The following NRXN1 variants were observed in gnomAD, a reference collection of about 807,000 sequenced individuals.
NRXN1 encodes the protein neurexin-1.
Under a neutral mutation model 150.9 loss-of-function variants are expected in NRXN1, and 39 were observed. The observed-to-expected ratio is 0.26, with a 90% CI of 0.20 to 0.34. NRXN1 has a LOEUF of 0.34. NRXN1 is among the 10% of genes least tolerant of loss of function. The pLI, the probability that NRXN1 is intolerant of heterozygous loss-of-function variation, is 1.00. For synonymous variants in NRXN1, 924 were observed against 757.0 expected (o/e 1.22, Z -3.62); for missense variants, 1,815 against 1,949.9 (o/e 0.93, Z 1.30).
chr2:50,647,455 C>A (rs926762140), intron 5 of NRXN1, among the ~76,000 whole-genome samples: 1 of 151,846 alleles, frequency 6.6e-6, no homozygotes, highest in Admixed American at 6.6e-5. Flanking sequence ...TATAAGACAT[C>A]CAAAGAAATA....
chr2:50,057,770 T>C (rs1345069751), intron 19 of NRXN1, among the ~76,000 whole-genome samples: 2 of 152,176 alleles, frequency 1.3e-5, no homozygotes, highest in Non-Finnish European at 2.9e-5. Context: ...AAGCAAATAC[T>C]AGTGTCCAGA....
intron 18 of NRXN1, among the ~76,000 whole-genome samples, chr2:50,212,823 C>A (rs1234110763): frequency 6.6e-6 from 1 of 151,882 alleles, no homozygotes; most frequent in East Asian, 1.9e-4. Context: ...AGGTTAAATG[C>A]AAGACAAATG....
rs889937386 is a variant in NRXN1 at position 50,506,674 on chromosome 2, C to T, written c.2375-57G>A. 5 of 1,581,876 alleles carry T rather than the reference C, an allele frequency of 3.2e-6. No individual in the cohort carries two copies. In the African/African-American group the frequency reaches 4.1e-5, roughly 13 times the overall value. ...ACTCAGAATCAGTCAAGCAAATGAA[C>T]CTCACAGAGAGTGAGAGAAAGAGAC... On this transcript the variant is annotated intron_variant, in intron 12 of 22. Coordinates refer to ENST00000401669, the MANE Select transcript of NRXN1 (RefSeq NM_001330078.2).
At chr2:50,335,654 C>G (rs1360829024) in intron 17 of NRXN1, among the ~76,000 whole-genome samples, 2 of 152,310 alleles carry the variant, frequency 1.3e-5, no homozygotes, top group East Asian at 3.9e-4. Context: ...TGCAGGTGTC[C>G]TGGTTTAACT....
At chr2:50,447,523 A>C (rs540370749) in intron 17 of NRXN1, among the ~76,000 whole-genome samples, 18 of 145,990 alleles carry the variant, frequency 1.2e-4, no homozygotes, top group Admixed American at 4.1e-4. Context: ...TGTCCCAGAA[A>C]AGGTCGATCT....
chr2:50,254,362 C>A (rs1157774142), intron 17 of NRXN1, among the ~76,000 whole-genome samples: 1 of 150,472 alleles, frequency 6.6e-6, no homozygotes, highest in African/African-American at 2.5e-5. Flanking sequence ...TTCAAAAGAC[C>A]AGCTCCTGGA....
chr2:50,750,359 T>A (rs910130392), intron 5 of NRXN1, among the ~76,000 whole-genome samples: 1 of 148,550 alleles, frequency 6.7e-6, no homozygotes, highest in Admixed American at 6.7e-5. Context: ...AATTAAAAAA[T>A]GTCACAGAAA....
intron 17 of NRXN1, among the ~76,000 whole-genome samples, chr2:50,442,005 G>A (rs1299167754): frequency 6.6e-6 from 1 of 152,138 alleles, no homozygotes; most frequent in Non-Finnish European, 1.5e-5. Context: ...TCCTTCCAGT[G>A]AAGTCTCTCT....
chr2:50,810,856 T>C (rs1295881112), intron 5 of NRXN1, among the ~76,000 whole-genome samples: 1 of 151,994 alleles, frequency 6.6e-6, no homozygotes, highest in Non-Finnish European at 1.5e-5. Flanking sequence ...GGTGCACACC[T>C]GTAGTCCCAG....
chr2:49,979,897 G>GGTTTT (rs1553447346), intron 21 of NRXN1, among the ~76,000 whole-genome samples: 1 of 103,682 alleles, frequency 9.6e-6, no homozygotes, highest in African/African-American at 3.5e-5. Context: ...GTCTTATATT[G>GGTTTT]TTTTTTTGGT....
intron 2 of NRXN1, among the ~76,000 whole-genome samples, chr2:51,002,101 G>A (rs10174990): frequency 0.63 from 96,128 of 151,760 alleles, 30,831 homozygotes; most frequent in East Asian, 0.75. Context: ...AAAATACACA[G>A]GTTTAACTAT....
intron 17 of NRXN1, among the ~76,000 whole-genome samples, chr2:50,399,287 T>C (rs1411507315): frequency 6.6e-6 from 1 of 152,158 alleles, no homozygotes; most frequent in Non-Finnish European, 1.5e-5. Flanking sequence ...GTCCCTCATA[T>C]AAGAATGGGT....
At chr2:51,003,929 G>T (rs1340292362) in intron 2 of NRXN1, among the ~76,000 whole-genome samples, 1 of 151,748 alleles carries the variant, frequency 6.6e-6, no homozygotes, top group Non-Finnish European at 1.5e-5. Flanking sequence ...AGCACATTAA[G>T]GCTCTCTTTT....
chr2:50,278,128 G>A (rs2152929300), intron 17 of NRXN1, among the ~76,000 whole-genome samples: 1 of 135,520 alleles, frequency 7.4e-6, no homozygotes, highest in Non-Finnish European at 1.5e-5. Flanking sequence ...GAGGGCAGTG[G>A]CAGGATCTTG....
chr2:50,140,412 T>C (rs1382380173), intron 18 of NRXN1, among the ~76,000 whole-genome samples: 7 of 152,162 alleles, frequency 4.6e-5, no homozygotes. Flanking sequence ...AGGATGTTCC[T>C]AGATACCTTT....
intron 17 of NRXN1, among the ~76,000 whole-genome samples, chr2:50,412,891 C>A (rs1267918513): frequency 6.6e-6 from 1 of 152,112 alleles, no homozygotes; most frequent in South Asian, 2.1e-4. Flanking sequence ...TGCAGAAGAA[C>A]GAAGCTAGAC....
intron 18 of NRXN1, among the ~76,000 whole-genome samples, chr2:50,108,052 T>G (rs1381003689): frequency 6.6e-6 from 1 of 151,796 alleles, no homozygotes; most frequent in Non-Finnish European, 1.5e-5. Flanking sequence ...AAAGTAGGTG[T>G]TCTTAACCAC....
chr2:50,826,110 A>G (rs1670414467), intron 5 of NRXN1, among the ~76,000 whole-genome samples: 1 of 152,198 alleles, frequency 6.6e-6, no homozygotes, highest in Non-Finnish European at 1.5e-5. Flanking sequence ...TGGAGCTGTA[A>G]AGAAACCAGA....
intron 2 of NRXN1, among the ~76,000 whole-genome samples, chr2:50,975,185 T>A (rs1421087090): frequency 6.6e-6 from 1 of 152,172 alleles, no homozygotes; most frequent in African/African-American, 2.4e-5. Context: ...TAATGGAAAG[T>A]ATTCTTGTAT....
Sources: allele counts gnomAD v4.1 joint callset (sites outside exome capture counted in the v4.1 genomes callset), GRCh38; gene constraint gnomAD v4.1.1; transcripts MANE v1.5; gene names NCBI Gene and HGNC (gene_info 2026-07-23, HGNC 2026-07-21).